ATP6V1H: variants seen among roughly 807,000 people sequenced by gnomAD.
The protein encoded by ATP6V1H is ATPase H+ transporting V1 subunit H, also known as V-type proton ATPase subunit H.
ATP6V1H carries 39 observed loss-of-function variants against 71.7 expected under a neutral mutation model. The observed-to-expected ratio is 0.54, with a 90% confidence interval of 0.42 to 0.71. ATP6V1H has a LOEUF of 0.71. Among genes scored for constraint, ATP6V1H ranks in the 30% least tolerant of loss-of-function variants. ATP6V1H has a pLI of 0.00. For synonymous variants in ATP6V1H, 192 were observed against 199.3 expected (o/e 0.96, Z 0.31); for missense variants, 509 against 594.9 (o/e 0.86, Z 1.50).
At chr8:53,799,490 A>G (rs1263560502) in intron 8 of ATP6V1H, among the ~76,000 whole-genome samples, 4 of 152,220 alleles carry the variant, frequency 2.6e-5, no homozygotes, top group African/African-American at 9.6e-5. Flanking sequence ...AAGAGTTAAC[A>G]GCAAAGTCCT....
chr8:53,810,858 A>C (rs1175211139), intron 7 of ATP6V1H, among the ~76,000 whole-genome samples: 1 of 152,214 alleles, frequency 6.6e-6, no homozygotes, highest in Non-Finnish European at 1.5e-5. Context: ...TTTAAAGAGA[A>C]AACTTTATGA....
rs180711078 is a variant in ATP6V1H at position 53,783,601 on chromosome 8, T to C, written c.871-11434A>G. 2.2e-3 allele frequency among the ~76,000 whole-genome samples: 334 copies of C among 152,342 alleles called. 2 individuals are homozygous for C. Among genetic ancestry groups the C allele is most frequent in the African/African-American group, 7.8e-3 (323 of 41,568 alleles). ...TCTGCTAGCTTTTCAACGTGTTTGC[T>C]CTTGCTTCTCTAGTTCTTTTAATTG... is the stretch of plus-strand genomic sequence containing the variant. On this transcript the variant is annotated intron_variant, in intron 9 of 13. Transcript: ENST00000359530.
intron 2 of ATP6V1H, among the ~76,000 whole-genome samples, chr8:53,837,471 A>C (rs910355982): frequency 6.6e-6 from 1 of 150,718 alleles, no homozygotes; most frequent in African/African-American, 2.5e-5. Flanking sequence ...ACATGTTATA[A>C]TGCTAAGGCT....
chr8:53,755,507 G>A (rs966480457), intron 12 of ATP6V1H, among the ~76,000 whole-genome samples: 1 of 141,132 alleles, frequency 7.1e-6, no homozygotes, highest in East Asian at 2.1e-4. Flanking sequence ...GTTACGGGGG[G>A]TGGGGGTGGG....
At chr8:53,770,595 A>G (rs914910246) in intron 10 of ATP6V1H, among the ~76,000 whole-genome samples, 2 of 152,206 alleles carry the variant, frequency 1.3e-5, no homozygotes, top group African/African-American at 4.8e-5. Flanking sequence ...ATAAGAAGTA[A>G]ACAAGTATTT....
At chr8:53,736,734 G>C (rs141128764) in intron 13 of ATP6V1H, among the ~76,000 whole-genome samples, 1 of 152,166 alleles carries the variant, frequency 6.6e-6, no homozygotes, top group Non-Finnish European at 1.5e-5. Flanking sequence ...AAATGAGAAT[G>C]AGAACTCCCA....
intron 7 of ATP6V1H, among the ~76,000 whole-genome samples, chr8:53,803,771 G>T (rs1809991774): frequency 6.6e-6 from 1 of 151,988 alleles, no homozygotes; most frequent in African/African-American, 2.4e-5. Flanking sequence ...ATTCCATAAT[G>T]AAAAAATATT....
intron 9 of ATP6V1H, among the ~76,000 whole-genome samples, chr8:53,793,536 TTG>T (rs1809632457): frequency 6.6e-6 from 1 of 152,004 alleles, no homozygotes; most frequent in African/African-American, 2.4e-5. Flanking sequence ...TCCCAGCTAC[TTG>T]GGAGGCTGAG....
chr8:53,726,275 T>C (rs1298545352), intron 13 of ATP6V1H, among the ~76,000 whole-genome samples: 3 of 152,200 alleles, frequency 2.0e-5, no homozygotes, highest in Non-Finnish European at 4.4e-5. Flanking sequence ...AATGGCAAAA[T>C]AATTTCTAAC....
At position 53,817,421 on chromosome 8, in the gene ATP6V1H, T is replaced by A. The variant is rs141493839; in HGVS notation, c.416A>T (p.His139Leu). The change falls in exon 5 of 14, where the codon CAT (histidine) becomes CTT (leucine). Residue 139 changes from histidine to leucine, a missense_variant. His to Leu is a moderately conservative substitution (Grantham distance 99). Coordinates refer to ENST00000359530, the MANE Select transcript of ATP6V1H (RefSeq NM_015941.4). ...MLNRQDPFTV[H>L]MAARIIAKLA... ...TCCAATCAATTCAAAATTTACCATA[T>A]GAACAGTGAAGGGATCCTGGCGATT... The A allele has an allele frequency of 2.5e-6, 4 of 1,604,036 alleles. No individual in the cohort carries two copies. The highest frequency in any genetic ancestry group is 3.4e-6 in the Non-Finnish European group (4 of 1,172,078).
chr8:53,764,799 T>C (rs540306603), intron 11 of ATP6V1H, among the ~76,000 whole-genome samples: 3 of 152,278 alleles, frequency 2.0e-5, no homozygotes, highest in Admixed American at 2.0e-4. Context: ...GAATTTCAAA[T>C]TAAAAACACA....
chr8:53,829,510 C>A lies in ATP6V1H; in HGVS notation c.240G>T (p.Leu80=). ...TCTGTTCTTTGCAGATATGAGTCAT[C>A]AGATTTATAAATGTTTTAGCACACT... ...GSQCAKTFIN[L]MTHICKEQTV... is the part of the protein sequence containing the mutation. The change falls in exon 4 of 14, where the codon CTG becomes CTT. Residue 80 remains leucine, a synonymous_variant. Coordinates refer to ENST00000359530, the MANE Select transcript of ATP6V1H (RefSeq NM_015941.4). 6.3e-7 allele frequency: 1 copy of A among 1,588,288 alleles called. No individual in the cohort carries two copies. The highest frequency in any genetic ancestry group is 8.6e-7 in the Non-Finnish European group (1 of 1,168,828).
intron 12 of ATP6V1H, among the ~76,000 whole-genome samples, chr8:53,755,922 T>C (rs1808037610): frequency 7.4e-6 from 1 of 134,882 alleles, no homozygotes; most frequent in Non-Finnish European, 1.6e-5. Context: ...TACGCCCGGC[T>C]AATTTTTTGT....
chr8:53,830,133 C>A (rs1810960998), intron 3 of ATP6V1H, among the ~76,000 whole-genome samples: 1 of 152,172 alleles, frequency 6.6e-6, no homozygotes, highest in Admixed American at 6.5e-5. Context: ...GGGCCAAGTT[C>A]TAAACTCAGC....
intron 13 of ATP6V1H, among the ~76,000 whole-genome samples, chr8:53,731,656 G>C (rs1224823955): frequency 6.6e-6 from 1 of 152,216 alleles, no homozygotes; most frequent in African/African-American, 2.4e-5. Flanking sequence ...TGGGACGCAA[G>C]TCTGCTGAAG....
intron 13 of ATP6V1H, among the ~76,000 whole-genome samples, chr8:53,736,183 A>G (rs921143638): frequency 6.6e-6 from 1 of 152,190 alleles, no homozygotes; most frequent in African/African-American, 2.4e-5. Context: ...GCACTTATAT[A>G]TAAGTGTCCC....
intron 13 of ATP6V1H, among the ~76,000 whole-genome samples, chr8:53,732,815 G>A (rs753088250): frequency 5.3e-5 from 8 of 152,000 alleles, no homozygotes; most frequent in African/African-American, 1.2e-4. Flanking sequence ...GCCTACCCCC[G>A]CTTTACAGAG....
At chr8:53,801,729 T>C in intron 8 of ATP6V1H, 70 bp downstream of exon 8, 2 of 1,234,930 alleles carry the variant, frequency 1.6e-6, no homozygotes, top group Non-Finnish European at 2.3e-6. Flanking sequence ...GATGATTACA[T>C]ATTTCTTTGA....
chr8:53,766,117 T>C (rs527445177), intron 11 of ATP6V1H, among the ~76,000 whole-genome samples: 2 of 152,024 alleles, frequency 1.3e-5, no homozygotes, highest in Non-Finnish European at 2.9e-5. Flanking sequence ...ATACAAAGAG[T>C]GAATCCTGTT....
Sources: allele counts gnomAD v4.1 joint callset (sites outside exome capture counted in the v4.1 genomes callset), GRCh38; gene constraint gnomAD v4.1.1; transcripts MANE v1.5; gene names NCBI Gene and HGNC (gene_info 2026-07-23, HGNC 2026-07-21).